ARHGAP19: variants seen among roughly 807,000 people sequenced by gnomAD.
ARHGAP19 encodes rho GTPase-activating protein 19.
In ARHGAP19, 48 loss-of-function variants were observed where a neutral mutation model predicts 60.9. That is an observed-to-expected ratio of 0.79 (90% CI 0.62 to 1.00). The LOEUF is 1.00. Among genes scored for constraint, ARHGAP19 ranks in the 50% least tolerant of loss-of-function variants. The pLI is 0.00. For synonymous variants in ARHGAP19, 209 were observed against 215.5 expected, an observed-to-expected ratio of 0.97 and a Z score of 0.27; for missense variants, 562 against 597.2, an observed-to-expected ratio of 0.94 and a Z score of 0.61.
intron 6 of ARHGAP19, among the ~76,000 whole-genome samples, chr10:97,247,848 C>T (rs1842585131): frequency 6.6e-6 from 1 of 151,492 alleles, no homozygotes; most frequent in African/African-American, 2.4e-5. Flanking sequence ...AATATACACA[C>T]AAATGTACAT....
At chr10:97,258,309 TGAG>T (rs1842783088) in intron 5 of ARHGAP19, among the ~76,000 whole-genome samples, 1 of 152,300 alleles carries the variant, frequency 6.6e-6, no homozygotes, top group South Asian at 2.1e-4. Context: ...GTGGATCACC[TGAG>T]GTCAGCAGTT....
chr10:97,278,530 AAG>A (rs1843046465), intron 1 of ARHGAP19, among the ~76,000 whole-genome samples: 1 of 152,210 alleles, frequency 6.6e-6, no homozygotes, highest in Admixed American at 6.5e-5. Flanking sequence ...CAGAATTGAG[AAG>A]AGTGTGCCAA....
intron 2 of ARHGAP19, 156 bp downstream of exon 2, chr10:97,265,704 T>C (rs1842889022): frequency 3.9e-6 from 3 of 762,858 alleles, no homozygotes; most frequent in Non-Finnish European, 6.2e-6. Flanking sequence ...ATAATTTGTA[T>C]TACTATTACT....
chr10:97,284,855 CTT>C (rs768979699), intron 1 of ARHGAP19, among the ~76,000 whole-genome samples: 3,911 of 124,056 alleles, frequency 0.032, 92 homozygotes, highest in Non-Finnish European at 0.048. Context: ...AAAGCATATA[CTT>C]TTTTTTTTTT....
At chr10:97,254,108 T>C (rs929218627) in intron 6 of ARHGAP19, among the ~76,000 whole-genome samples, 31 of 152,210 alleles carry the variant, frequency 2.0e-4, no homozygotes, top group African/African-American at 6.5e-4. Flanking sequence ...ACAGATTCAA[T>C]ACAATCCCTA....
At chr10:97,273,165 CTTT>C (rs200631403) in intron 1 of ARHGAP19, among the ~76,000 whole-genome samples, 1 of 150,060 alleles carries the variant, frequency 6.7e-6, no homozygotes. Context: ...TCATTAGTTT[CTTT>C]TTTTTTCTCT....
chr10:97,273,699 G>A (rs558131478), intron 1 of ARHGAP19, among the ~76,000 whole-genome samples: 1 of 151,648 alleles, frequency 6.6e-6, no homozygotes, highest in Admixed American at 6.6e-5. Flanking sequence ...ATGTTGAGCA[G>A]GTTGGTCTCG....
chr10:97,259,637 C>T lies in ARHGAP19; in HGVS notation c.614-9G>A. On this transcript the variant is annotated splice_polypyrimidine_tract_variant and intron_variant, in intron 4 of 11. Coordinates refer to ENST00000358531, the MANE Select transcript of ARHGAP19 (RefSeq NM_032900.6). The stretch of plus-strand genomic sequence containing the variant: ...ATCAAACTGCATCAAATCTTGAGGA[C>T]AAAAGAGAATTTGCAAAGTGGGGAG... The T allele has an allele frequency of 1.9e-6, 3 of 1,610,832 alleles. No individual in the cohort carries two copies. The highest frequency in any genetic ancestry group is 2.5e-6 in the Non-Finnish European group (3 of 1,177,344).
intron 8 of ARHGAP19, among the ~76,000 whole-genome samples, chr10:97,243,146 G>T (rs999395959): frequency 6.6e-6 from 1 of 152,128 alleles, no homozygotes; most frequent in Admixed American, 6.5e-5. Context: ...TCTCTTAAAT[G>T]ACTTTGTTAA....
At chr10:97,258,581 C>T (rs935834315) in intron 5 of ARHGAP19, 2 of 152,708 alleles carry the variant, frequency 1.3e-5, no homozygotes, top group Non-Finnish European at 2.9e-5. Flanking sequence ...TGTGTGGCTT[C>T]CAACCCACCT....
intron 11 of ARHGAP19, 127 bp from the exon 12 acceptor site, chr10:97,226,259 T>G (rs1348139346): frequency 1.1e-6 from 1 of 893,252 alleles, no homozygotes; most frequent in African/African-American, 1.7e-5. Flanking sequence ...TGAGTTTAAT[T>G]AAGAATGTGT....
chr10:97,291,132 C>T (rs1046295568), intron 1 of ARHGAP19, among the ~76,000 whole-genome samples: 1 of 152,112 alleles, frequency 6.6e-6, no homozygotes, highest in African/African-American at 2.4e-5. Flanking sequence ...TGCCTGAGAG[C>T]ACAGCGGGAG....
intron 8 of ARHGAP19, among the ~76,000 whole-genome samples, chr10:97,242,273 T>C (rs1271043447): frequency 6.7e-6 from 1 of 150,054 alleles, no homozygotes; most frequent in East Asian, 1.9e-4. Context: ...TTTCTGTTTT[T>C]CTAAAAAGTG....
chr10:97,251,179 A>AGGGG (rs1842642702), intron 6 of ARHGAP19, among the ~76,000 whole-genome samples: 1 of 84,242 alleles, frequency 1.2e-5, no homozygotes, highest in Non-Finnish European at 2.3e-5. Context: ...GGGGAAGGGA[A>AGGGG]AGGGAAAGGA....
intron 4 of ARHGAP19, 149 bp from the exon 5 acceptor site, chr10:97,259,777 A>G: frequency 1.6e-6 from 1 of 629,398 alleles, no homozygotes; most frequent in South Asian, 1.9e-5. Context: ...ACAGCAAAAC[A>G]TAATAACAAA....
intron 1 of ARHGAP19, among the ~76,000 whole-genome samples, chr10:97,270,937 A>G (rs1054127692): frequency 1.3e-5 from 2 of 152,274 alleles, no homozygotes; most frequent in Non-Finnish European, 2.9e-5. Context: ...GTAAAAGCAT[A>G]TAACAGGTAG....
chr10:97,290,195 T>C (rs1318839281), intron 1 of ARHGAP19, among the ~76,000 whole-genome samples: 2 of 152,212 alleles, frequency 1.3e-5, no homozygotes, highest in Admixed American at 1.3e-4. Flanking sequence ...ATGTTTGTTA[T>C]GGCTGGAGCT....
intron 1 of ARHGAP19, among the ~76,000 whole-genome samples, chr10:97,285,409 T>G (rs1040424494): frequency 6.6e-6 from 1 of 151,868 alleles, no homozygotes; most frequent in Non-Finnish European, 1.5e-5. Context: ...TCTAGCTTAT[T>G]GCAGCCTCAA....
rs1564715224 is a variant in ARHGAP19 at position 97,244,035 on chromosome 10, A to G, written c.1118T>C (p.Leu373Pro). 6.2e-7 allele frequency: 1 copy of G among 1,613,990 alleles called. No individual in the cohort carries two copies. Among genetic ancestry groups the G allele is most frequent in the East Asian group, 2.2e-5 (1 of 44,884 alleles). Residue 373 changes from leucine (L) to proline (P), a missense_variant, in exon 8 of 12, where the codon CTG becomes CCG. Physicochemically the swap from Leu to Pro is moderately conservative, Grantham distance 98. Coordinates refer to ENST00000358531, the MANE Select transcript of ARHGAP19 (RefSeq NM_032900.6). ...ATGAACGTGTTGAAACAGCTCTCTCAGTGCCTCTTCCGTATGGTGCTGGGT... is the reference window on the plus strand; with the variant it reads ...ATGAACGTGTTGAAACAGCTCTCTCGGTGCCTCTTCCGTATGGTGCTGGGT... ...EETQHHTEEA[L>P]RELFQHVHDM...
Sources: gnomAD v4.1 joint callset for allele counts (sites outside exome capture counted in the v4.1 genomes callset) on GRCh38, gnomAD v4.1.1 for gene constraint, MANE v1.5 for transcripts, NCBI Gene and HGNC (gene_info 2026-07-23, HGNC 2026-07-21) for gene names.